DMD: variants seen among roughly 807,000 people sequenced by gnomAD.
The protein encoded by DMD is dystrophin.
A neutral mutation model predicts 330.1 loss-of-function variants in DMD; 63 were observed. That is an observed-to-expected ratio of 0.19 (90% confidence interval 0.16 to 0.24). The LOEUF (loss-of-function observed/expected upper bound fraction) is 0.24. Among genes scored for constraint, DMD ranks in the 10% least tolerant of loss-of-function variants. The probability of loss-of-function intolerance (pLI) is 1.00; values close to 1 mark genes in which losing one functional copy is unlikely to be tolerated. For missense variants in DMD, 3,344 were observed against 2,684.1 expected (o/e 1.25, Z -5.43); for synonymous variants, 1,223 against 959.8 (o/e 1.27, Z -5.07).
chrX:33,067,701 C>G (rs376767196), intron 1 of DMD, among the ~76,000 whole-genome samples: 1 of 110,324 alleles, frequency 9.1e-6, no homozygotes, highest in Non-Finnish European at 1.9e-5. Flanking sequence ...AAAAATTATC[C>G]GGGTGTGGTG....
intron 60 of DMD, among the ~76,000 whole-genome samples, chrX:31,381,603 A>C (rs906029226): frequency 1.8e-5 from 2 of 110,812 alleles, no homozygotes; most frequent in South Asian, 3.9e-4. Flanking sequence ...CCTGACCCCC[A>C]TGACTGTATC....
At chrX:31,804,413 T>G (rs2092216388) in intron 50 of DMD, among the ~76,000 whole-genome samples, 2 of 111,480 alleles carry the variant, frequency 1.8e-5, no homozygotes, top group Admixed American at 1.9e-4. Flanking sequence ...TTTAGGTCAT[T>G]ATTATCTATC....
intron 17 of DMD, among the ~76,000 whole-genome samples, chrX:32,529,317 TGTC>T (rs762117472): frequency 9.4e-6 from 1 of 106,262 alleles, no homozygotes; most frequent in Non-Finnish European, 1.9e-5. Context: ...CTTGGGCACA[TGTC>T]GTCAGGACTT....
intron 21 of DMD, among the ~76,000 whole-genome samples, chrX:32,475,628 T>A (rs1035169796): frequency 1.8e-5 from 2 of 111,219 alleles, no homozygotes; most frequent in Admixed American, 9.7e-5. Context: ...TTTATTTTAT[T>A]TTTTGCAGCT....
chrX:32,659,509 G>C (rs140159742), intron 9 of DMD, among the ~76,000 whole-genome samples: 2,712 of 110,490 alleles, frequency 0.025, 94 homozygotes, highest in African/African-American at 0.084. Flanking sequence ...AATTATAAGG[G>C]TGTGATTGTG....
intron 63 of DMD, among the ~76,000 whole-genome samples, chrX:31,225,447 C>CTT (rs2046486737): frequency 1.8e-5 from 2 of 112,255 alleles, no homozygotes; most frequent in Non-Finnish European, 3.8e-5. Context: ...CATTTAGAAA[C>CTT]ACTCCCTGCC....
intron 44 of DMD, among the ~76,000 whole-genome samples, chrX:32,103,309 T>A (rs977987796): frequency 8.9e-6 from 1 of 112,254 alleles, no homozygotes; most frequent in East Asian, 2.8e-4. Flanking sequence ...CGTTAGCACT[T>A]GAATAAATGT....
chrX:32,878,213 A>G (rs1055009149), intron 2 of DMD, among the ~76,000 whole-genome samples: 1 of 110,730 alleles, frequency 9.0e-6, no homozygotes, highest in African/African-American at 3.3e-5. Flanking sequence ...ATCTCTCTCT[A>G]ATAAAAAGAC....
chrX:32,108,572 C>A (rs140985736), intron 44 of DMD, among the ~76,000 whole-genome samples: 1,520 of 111,596 alleles, frequency 0.014, 9 homozygotes, highest in Non-Finnish European at 0.023. Context: ...GTTAATGATA[C>A]TGAGGGACTG....
intron 44 of DMD, among the ~76,000 whole-genome samples, chrX:32,097,778 G>A (rs1268458489): frequency 8.9e-6 from 1 of 111,913 alleles, no homozygotes; most frequent in Admixed American, 9.5e-5. Flanking sequence ...TAGGCATTTT[G>A]CATGTTTTAC....
chrX:32,133,841 A>C (rs1189256441), intron 44 of DMD, among the ~76,000 whole-genome samples: 1 of 111,344 alleles, frequency 9.0e-6, no homozygotes, highest in Non-Finnish European at 1.9e-5. Context: ...TCAAAGGTCC[A>C]CCCTCACCTC....
rs149303537 is a variant in DMD, at chrX:32,052,831, G to T, written c.6439-84317C>A. On this transcript the variant is annotated intron_variant, in intron 44 of 78. Transcript: ENST00000357033. The stretch of plus-strand genomic sequence containing the variant: ...CCAAATATCTGCAGTACCTTGAGCA[G>T]CAGGAGATGAACTGTAATTGTCATA... Among the ~76,000 whole-genome samples, 408 of 111,344 alleles carry T rather than the reference G, an allele frequency of 3.7e-3. 2 individuals carry two copies. The highest frequency in any genetic ancestry group is 0.012 in the African/African-American group (362 of 30,700).
Position 32,025,229 on chromosome X carries a change from A to G in DMD, c.6439-56715T>C, listed in dbSNP as rs182563369. On this transcript the variant is annotated intron_variant, in intron 44 of 78. Coordinates refer to ENST00000357033, the MANE Select transcript of DMD (RefSeq NM_004006.3). Reference sequence around the variant, plus strand: ...GAAATCTTGCATTTGACTTCGTATCACTTAAAAGCACTTAGAACTATTTTA... The same window carrying G: ...GAAATCTTGCATTTGACTTCGTATCGCTTAAAAGCACTTAGAACTATTTTA... 1.2e-4 allele frequency among the ~76,000 whole-genome samples: 13 copies of G among 112,410 alleles called. No homozygotes were observed. In the Admixed American group the frequency reaches 1.2e-3, roughly 11 times the overall value.
At chrX:31,851,391 G>C (rs1049596959) in intron 48 of DMD, among the ~76,000 whole-genome samples, 1 of 111,992 alleles carries the variant, frequency 8.9e-6, no homozygotes, top group Non-Finnish European at 1.9e-5. Context: ...TTGTGAAACT[G>C]TGAAGATATA....
At chrX:32,537,742 C>T (rs1405426132) in intron 17 of DMD, among the ~76,000 whole-genome samples, 1 of 112,069 alleles carries the variant, frequency 8.9e-6, no homozygotes, top group Non-Finnish European at 1.9e-5. Flanking sequence ...CTCAACTATG[C>T]TTCTCCTTTT....
At chrX:31,260,500 C>T (rs190133380) in intron 63 of DMD, among the ~76,000 whole-genome samples, 8 of 111,605 alleles carry the variant, frequency 7.2e-5, no homozygotes, top group African/African-American at 2.3e-4. Flanking sequence ...ATTAATGACC[C>T]GCCAGGCCTT....
At chrX:32,891,331 G>A (rs1201190137) in intron 2 of DMD, among the ~76,000 whole-genome samples, 1 of 112,128 alleles carries the variant, frequency 8.9e-6, no homozygotes, top group Non-Finnish European at 1.9e-5. Context: ...AGTGAGAGAA[G>A]ACTGAGAGGT....
chrX:31,169,937 A>G (rs910716510), intron 73 of DMD, among the ~76,000 whole-genome samples: 2 of 112,344 alleles, frequency 1.8e-5, no homozygotes, highest in Non-Finnish European at 3.8e-5. Flanking sequence ...TAATGGCTGT[A>G]TAATGCTTTG....
intron 1 of DMD, among the ~76,000 whole-genome samples, chrX:33,081,754 G>C (rs1391804594): frequency 8.9e-6 from 1 of 111,778 alleles, no homozygotes; most frequent in African/African-American, 3.3e-5. Context: ...AAAGAGTCAA[G>C]TATCCCTGTA....
Sources: allele counts gnomAD v4.1 joint callset (sites outside exome capture counted in the v4.1 genomes callset), GRCh38; gene constraint gnomAD v4.1.1; transcripts MANE v1.5; gene names NCBI Gene and HGNC (gene_info 2026-07-23, HGNC 2026-07-21).